The following DLC1 variants were observed in gnomAD, a reference collection of about 807,000 sequenced individuals.
DLC1 encodes rho GTPase-activating protein 7.
In DLC1, 54 loss-of-function variants were observed where a neutral mutation model predicts 140.3. The ratio of observed to expected loss-of-function variants is 0.38; its 90% CI spans 0.31 to 0.48. The LOEUF is 0.48. Among genes scored for constraint, DLC1 ranks in the 20% least tolerant of loss-of-function variants. DLC1 has a pLI of 0.96. For synonymous variants in DLC1, 986 were observed against 728.1 expected (o/e 1.35, Z -5.70); for missense variants, 2,536 against 1,907.0 (o/e 1.33, Z -6.14).
intron 5 of DLC1, among the ~76,000 whole-genome samples, chr8:13,242,393 G>GTT (rs201680944): frequency 2.1e-5 from 3 of 146,058 alleles, no homozygotes; most frequent in African/African-American, 5.0e-5. Context: ...CTCCCCATCA[G>GTT]TTTTTTTTTT....
intron 2 of DLC1, among the ~76,000 whole-genome samples, chr8:13,476,088 T>G (rs1800422032): frequency 6.6e-6 from 1 of 152,230 alleles, no homozygotes; most frequent in Non-Finnish European, 1.5e-5. Context: ...TTAATTGTGA[T>G]GAGGAAAATA....
In DLC1 at chr8:13,099,435, C is replaced by G; in HGVS notation, c.2902G>C (p.Gly968Arg). 1 of 1,614,150 alleles carries G rather than the reference C, an allele frequency of 6.2e-7. No individual in the cohort carries two copies. The highest frequency in any genetic ancestry group is 1.3e-5 in the African/African-American group (1 of 75,038). Residue 968 changes from glycine (G) to arginine (R), a missense_variant, in exon 9 of 18, where the codon GGC becomes CGC. Coordinates refer to ENST00000276297, the MANE Select transcript of DLC1 (RefSeq NM_182643.3). The part of the protein sequence containing the change: ...RTTPSDLDST[G>R]NSLNEPEEPS... ...TCTTCCGGTTCATTCAGGGAGTTGC[C>G]TGTGCTGTCCAGGTCGCTGGGTGTG... is the stretch of plus-strand genomic sequence containing the variant.
chr8:13,458,401 A>G (rs189827689), intron 2 of DLC1, among the ~76,000 whole-genome samples: 2 of 152,340 alleles, frequency 1.3e-5, no homozygotes, highest in Admixed American at 1.3e-4. Context: ...CTCCCAGCCC[A>G]TTGATATTTC....
intron 1 of DLC1, among the ~76,000 whole-genome samples, chr8:13,554,278 C>A (rs998132501): frequency 8.5e-5 from 13 of 152,122 alleles, no homozygotes; most frequent in African/African-American, 1.2e-4. Context: ...TGTTGGCAGG[C>A]TGGTCTTGAA....
intron 1 of DLC1, among the ~76,000 whole-genome samples, chr8:13,590,992 A>G (rs1805496795): frequency 6.6e-6 from 1 of 152,050 alleles, no homozygotes; most frequent in African/African-American, 2.4e-5. Context: ...ATTTCCAGGC[A>G]GCAATAACAT....
At chr8:13,239,957 G>C (rs1035866010) in intron 5 of DLC1, among the ~76,000 whole-genome samples, 1 of 152,184 alleles carries the variant, frequency 6.6e-6, no homozygotes, top group African/African-American at 2.4e-5. Flanking sequence ...ATAAACATTA[G>C]TGCACCCTTC....
intron 4 of DLC1, among the ~76,000 whole-genome samples, chr8:13,330,076 C>T (rs1446115309): frequency 6.6e-6 from 1 of 152,066 alleles, no homozygotes; most frequent in Non-Finnish European, 1.5e-5. Context: ...GTGACCCTCC[C>T]ACCTCAACTT....
intron 5 of DLC1, among the ~76,000 whole-genome samples, chr8:13,159,812 A>AAGAAGGT (rs1824541143): frequency 6.6e-6 from 1 of 151,712 alleles, no homozygotes; most frequent in Non-Finnish European, 1.5e-5. Context: ...GGCAAGAAGC[A>AAGAAGGT]AGAAGGTAAG....
At chr8:13,116,074 A>G in intron 5 of DLC1, 1 of 932,024 alleles carries the variant, frequency 1.1e-6, no homozygotes, top group South Asian at 4.9e-5. Flanking sequence ...CACCACGCTA[A>G]AATAGAATTT....
intron 5 of DLC1, among the ~76,000 whole-genome samples, chr8:13,220,671 T>C (rs932199257): frequency 5.9e-5 from 9 of 152,316 alleles, no homozygotes; most frequent in Admixed American, 5.2e-4. Flanking sequence ...ACTGCGTTAC[T>C]GTGGAGGAAA....
intron 2 of DLC1, among the ~76,000 whole-genome samples, chr8:13,451,645 C>T (rs1032652482): frequency 6.6e-6 from 1 of 152,160 alleles, no homozygotes; most frequent in African/African-American, 2.4e-5. Context: ...TGGCTTATTT[C>T]ACTTAACATA....
intron 5 of DLC1, among the ~76,000 whole-genome samples, chr8:13,215,582 C>A (rs34776207): frequency 1.3e-4 from 20 of 151,860 alleles, no homozygotes; most frequent in Non-Finnish European, 2.4e-4. Context: ...AAGACCCTAT[C>A]TCAAAAAACA....
chr8:13,191,882 T>G (rs1826774116), intron 5 of DLC1, among the ~76,000 whole-genome samples: 1 of 151,856 alleles, frequency 6.6e-6, no homozygotes, highest in African/African-American at 2.4e-5. Flanking sequence ...CTGACCTCTC[T>G]CGTCTCCTTT....
At chr8:13,570,208 A>G (rs17225470) in intron 1 of DLC1, among the ~76,000 whole-genome samples, 20,300 of 151,562 alleles carry the variant, frequency 0.13, 1,598 homozygotes, top group Middle Eastern at 0.21. Context: ...CCTCCCCACT[A>G]TATTCAAGCG....
At chr8:13,563,432 C>T (rs1585278197) in intron 1 of DLC1, among the ~76,000 whole-genome samples, 1 of 152,130 alleles carries the variant, frequency 6.6e-6, no homozygotes, top group South Asian at 2.1e-4. Context: ...TGTACAGAAA[C>T]TATAAATTAA....
intron 5 of DLC1, among the ~76,000 whole-genome samples, chr8:13,129,884 G>C (rs1285088474): frequency 6.6e-6 from 1 of 152,170 alleles, no homozygotes; most frequent in Non-Finnish European, 1.5e-5. Context: ...TGGTAGGGTG[G>C]ATCAGGTATT....
chr8:13,578,475 G>A (rs1313541658), intron 1 of DLC1, among the ~76,000 whole-genome samples: 2 of 152,072 alleles, frequency 1.3e-5, no homozygotes, highest in Non-Finnish European at 2.9e-5. Flanking sequence ...ATATCTACCT[G>A]GAGTTTAAGT....
intron 2 of DLC1, among the ~76,000 whole-genome samples, chr8:13,410,484 A>G (rs1283622986): frequency 2.0e-5 from 3 of 152,156 alleles, no homozygotes; most frequent in Non-Finnish European, 2.9e-5. Flanking sequence ...GATAATTTCA[A>G]CAAATCAAAG....
At chr8:13,506,581 G>GTGTGTGTATATGTATATATATATA (rs1246764417) in intron 1 of DLC1, among the ~76,000 whole-genome samples, 1 of 131,142 alleles carries the variant, frequency 7.6e-6, no homozygotes, top group African/African-American at 3.2e-5. Flanking sequence ...GTGTGTGTGT[G>GTGTGTGTATATGTATATATATATA]TATATATATA....
Sources: allele counts gnomAD v4.1 joint callset (sites outside exome capture counted in the v4.1 genomes callset), GRCh38; gene constraint gnomAD v4.1.1; transcripts MANE v1.5; gene names NCBI Gene and HGNC (gene_info 2026-07-23, HGNC 2026-07-21).